SBK1: variants seen among roughly 807,000 people sequenced by gnomAD.
SBK1 encodes SH3 domain binding kinase 1.
In SBK1, 11 loss-of-function variants were observed where a neutral mutation model predicts 24.4. That is an observed-to-expected ratio of 0.45 (90% CI 0.28 to 0.75). The LOEUF is 0.75. Ranked by LOEUF, SBK1 falls within the 30% of genes least tolerant of loss-of-function variation. The probability of loss-of-function intolerance (pLI) is 0.12; values close to 1 mark genes in which losing one functional copy is unlikely to be tolerated. For missense variants in SBK1, 467 were observed against 620.5 expected, an observed-to-expected ratio of 0.75 and a Z score of 2.63; for synonymous variants, 308 against 284.4, an observed-to-expected ratio of 1.08 and a Z score of -0.83.
intron 1 of SBK1, among the ~76,000 whole-genome samples, chr16:28,281,249 C>A (rs1410140347): frequency 6.6e-6 from 1 of 152,166 alleles, no homozygotes; most frequent in Non-Finnish European, 1.5e-5. Context: ...TCCTAATTAA[C>A]TGACTTAATT....
In SBK1 at chr16:28,321,196, C is replaced by T. The variant is rs2044843860; in HGVS notation, c.*275C>T. On this transcript the variant is annotated 3_prime_UTR_variant, in exon 4 of 4. Transcript: ENST00000341901. ...GGCCACCACACAACACACACACACA[C>T]ACACACACACACACACACACACACA... The T allele has an allele frequency of 2.6e-4, 7 of 26,940 alleles. No individual in the cohort carries two copies. Among genetic ancestry groups the T allele is most frequent in the South Asian group, 3.2e-3 (1 of 310 alleles). 1.7% of individuals were successfully genotyped at this position (26,940 alleles called of 1,614,324 possible).
intron 1 of SBK1, among the ~76,000 whole-genome samples, chr16:28,280,147 A>ATGTGTGTGTG (rs1258164420): frequency 2.1e-5 from 1 of 48,380 alleles, no homozygotes; most frequent in African/African-American, 6.2e-5. Flanking sequence ...ATATATATAT[A>ATGTGTGTGTG]TATGTGTGTG....
chr16:28,305,729 A>G (rs2044712204), intron 1 of SBK1, among the ~76,000 whole-genome samples: 1 of 149,616 alleles, frequency 6.7e-6, no homozygotes, highest in Non-Finnish European at 1.5e-5. Flanking sequence ...CCATGTTTCA[A>G]CATGTTCCAC....
intron 1 of SBK1, among the ~76,000 whole-genome samples, chr16:28,268,777 G>C (rs1000960285): frequency 4.0e-5 from 6 of 151,818 alleles, no homozygotes; most frequent in African/African-American, 1.5e-4. Context: ...AAAAAAGAAA[G>C]AAGGAAAAAA....
chr16:28,290,261 T>C (rs1302357288), upstream of SBK1: 2 of 152,200 alleles, frequency 1.3e-5, no homozygotes, highest in Non-Finnish European at 2.9e-5. Context: ...CAGGAAGTCC[T>C]TGGCAGTTTT....
rs955897077 is a variant in SBK1 at position 28,321,121 on chromosome 16, G to T, written c.*200G>T. 60 of 435,096 alleles carry T rather than the reference G, an allele frequency of 1.4e-4. No individual in the cohort carries two copies. In the Middle Eastern group the frequency reaches 2.1e-3, roughly 15 times the overall value. 27.0% of individuals were successfully genotyped at this position (435,096 alleles called of 1,614,324 possible). ...AAAGACCCCTAGCGCGGCCTGGTGA[G>T]CGGGGGCTTGGCCCAGAGGAGCCAA... is the stretch of plus-strand genomic sequence containing the variant. On this transcript the variant is annotated 3_prime_UTR_variant, in exon 4 of 4. Coordinates refer to ENST00000341901, the MANE Select transcript of SBK1 (RefSeq NM_001024401.3).
At chr16:28,280,288 CAT>C (rs1038682213) in intron 1 of SBK1, among the ~76,000 whole-genome samples, 33 of 140,830 alleles carry the variant, frequency 2.3e-4, no homozygotes, top group African/African-American at 8.6e-4. Context: ...CATATGTATA[CAT>C]ATATATGCAC....
chr16:28,298,680 T>G (rs531009195), intron 1 of SBK1, among the ~76,000 whole-genome samples: 2 of 152,398 alleles, frequency 1.3e-5, no homozygotes, highest in Admixed American at 1.3e-4. Context: ...GCAAATGAGC[T>G]GATCCAGGCC....
intron 1 of SBK1, among the ~76,000 whole-genome samples, chr16:28,264,088 C>A (rs954879072): frequency 2.6e-5 from 4 of 152,050 alleles, no homozygotes; most frequent in Admixed American, 1.3e-4. Flanking sequence ...GTGATTGTGT[C>A]ACCACACTTT....
At chr16:28,313,778 CA>C (rs1201092732) in intron 1 of SBK1, among the ~76,000 whole-genome samples, 2 of 151,854 alleles carry the variant, frequency 1.3e-5, no homozygotes, top group East Asian at 3.9e-4. Context: ...GGTGGGAGGC[CA>C]GGAAGTTCTC....
At chr16:28,309,774 G>C (rs538063905) in intron 1 of SBK1, among the ~76,000 whole-genome samples, 19 of 152,252 alleles carry the variant, frequency 1.2e-4, no homozygotes, top group African/African-American at 4.3e-4. Context: ...CCTTCTCAGG[G>C]GTTTTGTGAG....
chr16:28,304,469 G>C (rs982405992), intron 1 of SBK1, among the ~76,000 whole-genome samples: 10 of 152,188 alleles, frequency 6.6e-5, no homozygotes, highest in Non-Finnish European at 1.3e-4. Context: ...GGAGCTGAGT[G>C]ACTTTGGGCA....
At chr16:28,285,926 G>C (rs894945088) in intron 1 of SBK1, 1 of 152,278 alleles carries the variant, frequency 6.6e-6, no homozygotes, top group East Asian at 1.9e-4. Context: ...CAAAGAAGCA[G>C]GTTCTTTCCC....
chr16:28,283,962 G>A lies in SBK1; in HGVS notation c.257+24460G>A, dbSNP rs565564994. 1.3e-3 allele frequency among the ~76,000 whole-genome samples: 191 copies of A among 152,056 alleles called. 5 individuals carry two copies. The highest frequency in any genetic ancestry group is 3.8e-4 in the Non-Finnish European group (26 of 68,008). On this transcript the variant is annotated intron_variant, in intron 1 of 3. Transcript: ENST00000671413. ...CCCCACTGCCCCAGCAGCTCTCCCC[G>A]GTGACTGACAGGCAGAGTATCAATA... is the stretch of plus-strand genomic sequence containing the variant.
At chr16:28,289,998 A>C (rs2044588914), upstream of SBK1, among the ~76,000 whole-genome samples, 1 of 151,730 alleles carries the variant, frequency 6.6e-6, no homozygotes, top group African/African-American at 2.4e-5. Context: ...AGGTGGGAGG[A>C]TCACTTGATC....
chr16:28,300,444 C>T (rs952140955), intron 1 of SBK1, among the ~76,000 whole-genome samples: 8 of 152,042 alleles, frequency 5.3e-5, no homozygotes, highest in Non-Finnish European at 8.8e-5. Context: ...TTCAGCCTCC[C>T]GACTAGCTAG....
Position 28,320,308 on chromosome 16 carries a change from A to G in SBK1, c.662A>G (p.Gln221Arg). The change falls in exon 4 of 4, where the codon CAG becomes CGG. Residue 221 changes from glutamine to arginine, a missense_variant. Physicochemically the swap from Gln to Arg is conservative, Grantham distance 43. Coordinates refer to ENST00000341901, the MANE Select transcript of SBK1 (RefSeq NM_001024401.3). This position sits in a 1 kb window ranked among gnomAD's most constrained non-coding sequence, Gnocchi z 8.5. ...TIPYTAPEVC[Q>R]AGRADGLAVD... ...CCTTACACGGCGCCTGAGGTGTGCC[A>G]GGCGGGCCGCGCCGACGGGCTGGCG... 1.3e-6 allele frequency: 2 copies of G among 1,591,716 alleles called. No individual in the cohort carries two copies. Among genetic ancestry groups the G allele is most frequent in the South Asian group, 1.1e-5 (1 of 90,556 alleles).
chr16:28,322,931 CCTCTCTCTCTCTCTCTCTCT>C lies in SBK1; in HGVS notation c.*2040_*2059del, dbSNP rs1160741491. 9.0e-5 allele frequency: 5 copies of C among 55,352 alleles called. No homozygotes were observed. Among genetic ancestry groups the C allele is most frequent in the Non-Finnish European group, 1.4e-4 (4 of 28,018 alleles). 3.4% of individuals were successfully genotyped at this position (55,352 alleles called of 1,614,324 possible). A position where few individuals can be genotyped will look rare whatever the true frequency, so the allele number is the denominator to read the frequency against. ...CTCTCTCGCGCGCGCTCTCTCTCTCCCTCTCTCTCTCTCTCTCTCTCTCTCTCTCTCTCTCTCTCTCTCTC... is the reference window on the plus strand; with the variant it reads ...CTCTCTCGCGCGCGCTCTCTCTCTCCCTCTCTCTCTCTCTCTCTCTCTCTC... On this transcript the variant is annotated 3_prime_UTR_variant, in exon 4 of 4. Coordinates refer to ENST00000341901, the MANE Select transcript of SBK1 (RefSeq NM_001024401.3).
intron 1 of SBK1, among the ~76,000 whole-genome samples, chr16:28,305,523 CTCTT>C (rs1301102575): frequency 2.7e-5 from 4 of 147,324 alleles, no homozygotes; most frequent in African/African-American, 7.5e-5. Flanking sequence ...CAATCTGTCT[CTCTT>C]TCTTTGTTTC....
Sources: gnomAD v4.1 joint callset for allele counts (sites outside exome capture counted in the v4.1 genomes callset) on GRCh38, gnomAD v4.1.1 for gene constraint, Gnocchi (gnomAD v3.1) non-coding constraint, MANE v1.5 for transcripts, NCBI Gene and HGNC (gene_info 2026-07-23, HGNC 2026-07-21) for gene names.